MEGF11: variants seen among roughly 807,000 people sequenced by gnomAD.
The protein encoded by MEGF11 is multiple EGF like domains 11.
In MEGF11, 126 loss-of-function variants were observed where a neutral mutation model predicts 146.6. That is an observed-to-expected ratio of 0.86 (90% CI 0.74 to 1.00). The LOEUF (loss-of-function observed/expected upper bound fraction) is 1.00, where lower values mean the gene tolerates loss of function less well. Among genes scored for constraint, MEGF11 ranks in the 50% least tolerant of loss-of-function variants. The probability of loss-of-function intolerance (pLI) is 0.00; values close to 1 mark genes in which losing one functional copy is unlikely to be tolerated. For missense variants in MEGF11, 1,509 were observed against 1,521.2 expected (o/e 0.99, Z 0.13); for synonymous variants, 532 against 583.4 (o/e 0.91, Z 1.27).
intron 1 of MEGF11, among the ~76,000 whole-genome samples, chr15:66,141,744 CTGCAGATG>C (rs2089176888): frequency 6.6e-6 from 1 of 152,146 alleles, no homozygotes; most frequent in Non-Finnish European, 1.5e-5. Context: ...AGGAGATGGG[CTGCAGATG>C]AGGATGCCAG....
At chr15:66,075,443 C>T (rs1378013878) in intron 5 of MEGF11, among the ~76,000 whole-genome samples, 1 of 152,172 alleles carries the variant, frequency 6.6e-6, no homozygotes, top group East Asian at 1.9e-4. Flanking sequence ...CTGAAGGATG[C>T]CTGTAAAGTA....
At chr15:65,948,871 A>ATT (rs1235932699) in intron 10 of MEGF11, among the ~76,000 whole-genome samples, 1 of 152,004 alleles carries the variant, frequency 6.6e-6, no homozygotes, top group East Asian at 1.9e-4. Context: ...CATTTCTGCT[A>ATT]TTTTGCAGTG....
intron 1 of MEGF11, among the ~76,000 whole-genome samples, chr15:66,246,481 G>T (rs1224054500): frequency 6.6e-6 from 1 of 151,942 alleles, no homozygotes; most frequent in African/African-American, 2.4e-5. Flanking sequence ...TCATGATGGC[G>T]GCCAGGCATC....
chr15:66,057,366 G>C (rs1038604018), intron 5 of MEGF11, among the ~76,000 whole-genome samples: 5 of 152,128 alleles, frequency 3.3e-5, no homozygotes, highest in African/African-American at 9.7e-5. Context: ...AAGAAGTTAA[G>C]CTGTCTTTTG....
intron 1 of MEGF11, among the ~76,000 whole-genome samples, chr15:66,223,449 C>T (rs2091781165): frequency 6.6e-6 from 1 of 151,792 alleles, no homozygotes; most frequent in Non-Finnish European, 1.5e-5. Flanking sequence ...GTGCATACAC[C>T]AAAAACCATT....
At chr15:66,010,071 A>C (rs2082661013) in intron 5 of MEGF11, among the ~76,000 whole-genome samples, 1 of 151,922 alleles carries the variant, frequency 6.6e-6, no homozygotes, top group African/African-American at 2.4e-5. Context: ...TCCAATAGAG[A>C]ATGGGTGTCC....
At chr15:66,171,140 C>A (rs955187478) in intron 1 of MEGF11, among the ~76,000 whole-genome samples, 1 of 152,206 alleles carries the variant, frequency 6.6e-6, no homozygotes, top group African/African-American at 2.4e-5. Flanking sequence ...TGGTGAAGGC[C>A]GCTGTTGCTG....
At chr15:65,964,796 CCCACCTGCCTGGATGT>C in intron 9 of MEGF11, 96 bp downstream of exon 9, 1 of 1,060,426 alleles carries the variant, frequency 9.4e-7, no homozygotes, top group Non-Finnish European at 1.3e-6. Flanking sequence ...AGCCCTTTCC[CCCACCTGCCTGGATGT>C]CCATGCTAGA....
In MEGF11 at chr15:65,916,846, C is replaced by G. The variant is rs2079015612; in HGVS notation, c.2197G>C (p.Gly733Arg). 6.2e-7 allele frequency: 1 copy of G among 1,605,202 alleles called. No individual in the cohort carries two copies. Among genetic ancestry groups the G allele is most frequent in the Non-Finnish European group, 8.5e-7 (1 of 1,174,232 alleles). ...GGCTTACGCTGTGTGCAGAAGAGTCCAGTCCAGCCAGGGGTGCAGTGGCAG... is the reference window on the plus strand; with the variant it reads ...GGCTTACGCTGTGTGCAGAAGAGTCGAGTCCAGCCAGGGGTGCAGTGGCAG... ...GACHCTPGWT[G>R]LFCTQRCPAA... Residue 733 changes from glycine (G) to arginine (R), a missense_variant, in exon 17 of 26, where the codon GGA (glycine) becomes CGA (arginine). Gly to Arg is a moderately radical substitution (Grantham distance 125). Transcript: ENST00000395614.
At chr15:66,164,094 G>T (rs1443980753) in intron 1 of MEGF11, among the ~76,000 whole-genome samples, 1 of 152,146 alleles carries the variant, frequency 6.6e-6, no homozygotes, top group Non-Finnish European at 1.5e-5. Context: ...GGATTTGCAG[G>T]GGTGGGGTGG....
At chr15:66,187,658 C>T (rs1379930918) in intron 1 of MEGF11, among the ~76,000 whole-genome samples, 6 of 149,766 alleles carry the variant, frequency 4.0e-5, no homozygotes, top group South Asian at 2.1e-4. Flanking sequence ...CCACAACCCT[C>T]GGAGGGGAGG....
At chr15:66,043,075 C>A (rs984566366) in intron 5 of MEGF11, among the ~76,000 whole-genome samples, 1 of 152,212 alleles carries the variant, frequency 6.6e-6, no homozygotes, top group Non-Finnish European at 1.5e-5. Flanking sequence ...GCAAACAAGG[C>A]GGGCTGGGGC....
rs1407008159 is a variant in MEGF11, at chr15:65,965,052, C to T, written c.968G>A (p.Gly323Glu). 3 of 1,593,222 alleles carry T rather than the reference C, an allele frequency of 1.9e-6. No individual in the cohort carries two copies. The highest frequency in any genetic ancestry group is 1.7e-4 in the Middle Eastern group (1 of 5,916). The change falls in exon 9 of 26, where the codon GGG becomes GAG. Residue 323 changes from glycine (G) to glutamate (E), a missense_variant. Physicochemically the swap from Gly to Glu is moderately conservative, Grantham distance 98. Transcript: ENST00000395614. ...ACCCGTGGTGGGTGAACACTGCCCC[C>T]CATTGTGGCAGTCACAGTGCTGTGA... ...QCSQHCDCHNGGQCSPTTGAC... is the reference protein window; with the variant it reads ...QCSQHCDCHNEGQCSPTTGAC...
chr15:66,035,814 T>C (rs943023726), intron 5 of MEGF11, among the ~76,000 whole-genome samples: 10 of 152,244 alleles, frequency 6.6e-5, no homozygotes, highest in African/African-American at 2.4e-4. Context: ...ATCACTGCCA[T>C]GAGTATCTTT....
chr15:65,909,898 G>T, intron 21 of MEGF11, 92 bp from the exon 22 acceptor site: 2 of 1,146,646 alleles, frequency 1.7e-6, no homozygotes, highest in East Asian at 2.6e-5. Context: ...CACACACCCT[G>T]TAATAATCCT....
At position 66,097,729 on chromosome 15, in the gene MEGF11, C is replaced by T. The variant is rs149533579; in HGVS notation, c.302-3235G>A. Among the ~76,000 whole-genome samples the T allele has an allele frequency of 6.1e-3, 785 of 129,302 alleles. 8 individuals carry two copies. The highest frequency in any genetic ancestry group is 0.022 in the African/African-American group (746 of 34,096). The allele number at this position is 129,302 out of a possible 152,430, so 84.8% of individuals were successfully genotyped here. A position where few individuals can be genotyped will look rare whatever the true frequency, so the allele number is the denominator to read the frequency against. On this transcript the variant is annotated intron_variant, in intron 4 of 25. Coordinates refer to ENST00000395614, the MANE Select transcript of MEGF11 (RefSeq NM_001385028.1). ...TCCCAGTGTGCTAGAAGCCTTCTAG[C>T]GAGACTCCATCTCAAAAAACTACAA...
At chr15:66,014,270 T>C (rs1334176893) in intron 5 of MEGF11, among the ~76,000 whole-genome samples, 2 of 152,250 alleles carry the variant, frequency 1.3e-5, no homozygotes, top group Non-Finnish European at 2.9e-5. Context: ...TCCAGTATGA[T>C]CTAATTTTAA....
chr15:66,111,323 A>G (rs1004228540), intron 4 of MEGF11, among the ~76,000 whole-genome samples: 1 of 152,174 alleles, frequency 6.6e-6, no homozygotes, highest in African/African-American at 2.4e-5. Context: ...CCCCCATTCC[A>G]CTTCTCTCTG....
intron 2 of MEGF11, among the ~76,000 whole-genome samples, chr15:66,127,499 C>T (rs1232389570): frequency 1.3e-5 from 2 of 152,196 alleles, no homozygotes; most frequent in Non-Finnish European, 2.9e-5. Flanking sequence ...CCGAGTCCCC[C>T]GCCTTTCTTC....
Sources: allele counts gnomAD v4.1 joint callset (sites outside exome capture counted in the v4.1 genomes callset), GRCh38; gene constraint gnomAD v4.1.1; transcripts MANE v1.5; gene names NCBI Gene and HGNC (gene_info 2026-07-23, HGNC 2026-07-21).